The following SHANK2 variants were observed in gnomAD, a reference collection of about 807,000 sequenced individuals.
SHANK2 encodes the protein SH3 and multiple ankyrin repeat domains 2.
SHANK2 carries 43 observed loss-of-function variants against 133.7 expected under a neutral mutation model. That is an observed-to-expected ratio of 0.32 (90% CI 0.25 to 0.41). SHANK2 has a LOEUF of 0.41. SHANK2 is among the 10% of genes least tolerant of loss of function. The pLI is 1.00. For synonymous variants in SHANK2, 1,017 were observed against 952.8 expected, an observed-to-expected ratio of 1.07 and a Z score of -1.24; for missense variants, 1,994 against 2,235.8, an observed-to-expected ratio of 0.89 and a Z score of 2.18.
intron 9 of SHANK2, among the ~76,000 whole-genome samples, chr11:71,058,131 G>T (rs1950944209): frequency 6.6e-6 from 1 of 152,118 alleles, no homozygotes; most frequent in South Asian, 2.1e-4. Flanking sequence ...CTGGGCTCAA[G>T]TGATCTGCCT....
intron 17 of SHANK2, among the ~76,000 whole-genome samples, chr11:70,657,317 G>C (rs1555011874): frequency 6.6e-6 from 1 of 152,204 alleles, no homozygotes; most frequent in East Asian, 1.9e-4. Context: ...TGAGACATGT[G>C]AGGCTATTTC....
chr11:70,802,643 G>C (rs1948071212), intron 13 of SHANK2, among the ~76,000 whole-genome samples: 1 of 152,232 alleles, frequency 6.6e-6, no homozygotes, highest in African/African-American at 2.4e-5. Flanking sequence ...CTTGGGTCAA[G>C]GACTGTGCTG....
chr11:70,735,927 C>T (rs1555033438), intron 14 of SHANK2, among the ~76,000 whole-genome samples: 3 of 152,050 alleles, frequency 2.0e-5, no homozygotes, highest in African/African-American at 7.3e-5. Flanking sequence ...CTCACCTCCA[C>T]AAGCTCCATT....
Position 71,109,997 on chromosome 11 carries a change from ATCT to A in SHANK2, c.533_535del (p.Lys178del). ...CAGGCCTCGGTCCAGCATCTTGGTGATCTTCTCCACCAAGCGATGCTGAATGTG... is the reference window on the plus strand; with the variant it reads ...CAGGCCTCGGTCCAGCATCTTGGTGATCTCCACCAAGCGATGCTGAATGTG... On this transcript the variant is annotated inframe_deletion, in exon 6 of 26. Transcript: ENST00000601538. The A allele has an allele frequency of 6.4e-7, 1 of 1,551,760 alleles. No individual in the cohort carries two copies. Among genetic ancestry groups the A allele is most frequent in the Non-Finnish European group, 8.7e-7 (1 of 1,146,984 alleles).
At chr11:71,066,159 C>T in intron 9 of SHANK2, among the ~76,000 whole-genome samples, 1 of 9,480 alleles carries the variant, frequency 1.1e-4, no homozygotes, top group Non-Finnish European at 2.0e-4. Context: ...GGGGGGGGTG[C>T]AGAACTCTCC....
At chr11:71,162,591 G>T (rs1953043521) in intron 2 of SHANK2, among the ~76,000 whole-genome samples, 1 of 152,228 alleles carries the variant, frequency 6.6e-6, no homozygotes, top group South Asian at 2.1e-4. Context: ...ACGTTGGCAT[G>T]TGACAGTGAA....
intron 17 of SHANK2, among the ~76,000 whole-genome samples, chr11:70,552,587 A>T (rs2059783625): frequency 6.6e-6 from 1 of 152,194 alleles, no homozygotes. Context: ...ACCCAAGATG[A>T]CACAGGCAGA....
intron 2 of SHANK2, among the ~76,000 whole-genome samples, chr11:71,223,676 G>A (rs1555121699): frequency 6.6e-6 from 1 of 152,134 alleles, no homozygotes; most frequent in South Asian, 2.1e-4. Context: ...ATGACTGTAC[G>A]GCCCTTCCAC....
intron 13 of SHANK2, among the ~76,000 whole-genome samples, chr11:70,805,931 C>T (rs1555051722): frequency 6.6e-6 from 1 of 152,224 alleles, no homozygotes; most frequent in Non-Finnish European, 1.5e-5. Flanking sequence ...TTGTTTGATG[C>T]TATCAAATGA....
At position 70,868,918 on chromosome 11, in the gene SHANK2, T is replaced by C. The variant is rs150368010; in HGVS notation, c.1174+27583A>G. 3.6e-4 allele frequency among the ~76,000 whole-genome samples: 55 copies of C among 152,322 alleles called. 1 individual carries two copies. The East Asian group carries it at 0.01, about 29-fold the overall frequency. ...CAGGTGGGCGCTGAGTGCTAGAGGC[T>C]GAACTGTGTCACCTGCAAAATTCAT... On this transcript the variant is annotated intron_variant, in intron 11 of 25. Coordinates refer to ENST00000601538, the MANE Select transcript of SHANK2 (RefSeq NM_012309.5).
In SHANK2 at chr11:70,567,414, G is replaced by C. The variant is rs1303668502; in HGVS notation, c.2062-64483C>G. On this transcript the variant is annotated intron_variant, in intron 17 of 25. Coordinates refer to ENST00000601538, the MANE Select transcript of SHANK2 (RefSeq NM_012309.5). ...GAGGCCGAGGTGGGTGGATCACGAG[G>C]TCAGGAGTTTGAGACCAGCCTGGCC... Among the ~76,000 whole-genome samples, 6 of 152,078 alleles carry C rather than the reference G, an allele frequency of 3.9e-5. No homozygotes were observed. The East Asian group carries it at 7.7e-4, about 20-fold the overall frequency.
intron 14 of SHANK2, among the ~76,000 whole-genome samples, chr11:70,752,381 G>C (rs942059753): frequency 6.6e-6 from 1 of 152,122 alleles, no homozygotes. Flanking sequence ...TCAAGTGCAA[G>C]GAAAATTGCC....
intron 8 of SHANK2, among the ~76,000 whole-genome samples, chr11:71,090,172 CTGTGTGTGTGTGTG>C (rs1191382012): frequency 3.4e-5 from 3 of 87,300 alleles, no homozygotes; most frequent in African/African-American, 1.6e-4. Context: ...GAAACACAAC[CTGTGTGTGTGTGTG>C]TGTGTGTGTG....
At chr11:70,558,272 A>AT (rs1554980053) in intron 17 of SHANK2, among the ~76,000 whole-genome samples, 1 of 152,202 alleles carries the variant, frequency 6.6e-6, no homozygotes, top group Non-Finnish European at 1.5e-5. Flanking sequence ...TGTGGGCTTG[A>AT]TGTCATGTGG....
intron 15 of SHANK2, among the ~76,000 whole-genome samples, chr11:70,665,833 CTCT>C (rs1257205207): frequency 6.6e-6 from 1 of 152,200 alleles, no homozygotes; most frequent in Non-Finnish European, 1.5e-5. Flanking sequence ...GGGGAAGCTG[CTCT>C]TCTTAGCATC....
Position 70,883,629 on chromosome 11 carries a change from G to A in SHANK2, c.1174+12872C>T, listed in dbSNP as rs548386504. The stretch of plus-strand genomic sequence containing the variant: ...GGGAGCCCACCTGAGAGGGTGTGCT[G>A]CGGTGTGGAGCAGGACAGAGCAAAA... On this transcript the variant is annotated intron_variant, in intron 11 of 25. Transcript: ENST00000601538. Among the ~76,000 whole-genome samples, 11 of 152,328 alleles carry A rather than the reference G, an allele frequency of 7.2e-5. No homozygotes were observed. In the South Asian group the frequency reaches 2.3e-3, roughly 32 times the overall value.
intron 11 of SHANK2, among the ~76,000 whole-genome samples, chr11:70,840,588 T>A (rs1555061394): frequency 2.6e-5 from 4 of 152,080 alleles, no homozygotes. Context: ...AGGGGAGCCC[T>A]CTCCCTCTGA....
intron 2 of SHANK2, among the ~76,000 whole-genome samples, chr11:71,168,941 GT>G (rs1364049001): frequency 1.3e-5 from 2 of 152,174 alleles, no homozygotes; most frequent in African/African-American, 2.4e-5. Flanking sequence ...TGCATAAAGA[GT>G]TAGTTTGAGC....
intron 2 of SHANK2, among the ~76,000 whole-genome samples, chr11:71,186,576 C>T (rs1292624653): frequency 6.6e-6 from 1 of 152,184 alleles, no homozygotes; most frequent in Non-Finnish European, 1.5e-5. Context: ...ACCTTGCTTC[C>T]CTCCTGAGAA....
Sources: gnomAD v4.1 joint callset for allele counts (sites outside exome capture counted in the v4.1 genomes callset) on GRCh38, gnomAD v4.1.1 for gene constraint, MANE v1.5 for transcripts, NCBI Gene and HGNC (gene_info 2026-07-23, HGNC 2026-07-21) for gene names.